The following DENND5B variants were observed in gnomAD, a reference collection of about 807,000 sequenced individuals.
DENND5B encodes the protein DENN domain containing 5B.
DENND5B carries 34 observed loss-of-function variants against 140.6 expected under a neutral mutation model. That is an observed-to-expected ratio of 0.24 (90% CI 0.18 to 0.32). The LOEUF is 0.32. Ranked by LOEUF, DENND5B falls within the 10% of genes least tolerant of loss-of-function variation. The pLI is 1.00. For synonymous variants in DENND5B, 551 were observed against 562.1 expected (o/e 0.98, Z 0.28); for missense variants, 1,142 against 1,560.2 (o/e 0.73, Z 4.52).
intron 3 of DENND5B, among the ~76,000 whole-genome samples, chr12:31,462,483 T>G (rs552996393): frequency 6.6e-6 from 1 of 152,098 alleles, no homozygotes; most frequent in African/African-American, 2.4e-5. Context: ...ATTATGGCAC[T>G]TGGCCCCCGT....
intron 1 of DENND5B, among the ~76,000 whole-genome samples, chr12:31,525,426 G>A (rs988275738): frequency 3.9e-5 from 6 of 152,184 alleles, no homozygotes; most frequent in African/African-American, 1.4e-4. Flanking sequence ...AAAGATGTCA[G>A]ACACATACTG....
chr12:31,494,241 C>T (rs1287754905), intron 2 of DENND5B, among the ~76,000 whole-genome samples: 1 of 146,726 alleles, frequency 6.8e-6, no homozygotes, highest in Non-Finnish European at 1.5e-5. Context: ...TACCTACCTA[C>T]CTACCTACCT....
intron 1 of DENND5B, among the ~76,000 whole-genome samples, chr12:31,543,663 T>C (rs1165027404): frequency 6.6e-6 from 1 of 152,130 alleles, no homozygotes; most frequent in Non-Finnish European, 1.5e-5. Flanking sequence ...CCACAGACAC[T>C]AGTATATGTA....
intron 1 of DENND5B, among the ~76,000 whole-genome samples, chr12:31,515,192 C>T (rs193113073): frequency 6.6e-6 from 1 of 152,056 alleles, no homozygotes; most frequent in African/African-American, 2.4e-5. Flanking sequence ...GCAGTCCGAG[C>T]TATTTGGGAT....
intron 19 of DENND5B, among the ~76,000 whole-genome samples, chr12:31,390,134 G>C (rs1941048452): frequency 6.6e-6 from 1 of 152,086 alleles, no homozygotes; most frequent in African/African-American, 2.4e-5. Flanking sequence ...CCCATTTAAA[G>C]AAACTAGGAA....
At chr12:31,393,400 T>G (rs1941254186) in intron 17 of DENND5B, among the ~76,000 whole-genome samples, 1 of 152,234 alleles carries the variant, frequency 6.6e-6, no homozygotes, top group Non-Finnish European at 1.5e-5. Context: ...GTCTCAGCAC[T>G]GCTTCCTTCT....
At chr12:31,425,934 A>G (rs1943210950) in intron 9 of DENND5B, among the ~76,000 whole-genome samples, 3 of 152,208 alleles carry the variant, frequency 2.0e-5, no homozygotes, top group Admixed American at 2.0e-4. Context: ...ACAGGCACAA[A>G]TAAGGTTGTA....
chr12:31,410,462 G>C (rs961408738), intron 13 of DENND5B, among the ~76,000 whole-genome samples: 1 of 152,166 alleles, frequency 6.6e-6, no homozygotes, highest in Admixed American at 6.5e-5. Context: ...CTGGAGTGCA[G>C]CGATGCAGTA....
At chr12:31,505,064 A>G (rs1300387468) in intron 1 of DENND5B, among the ~76,000 whole-genome samples, 1 of 152,156 alleles carries the variant, frequency 6.6e-6, no homozygotes, top group Non-Finnish European at 1.5e-5. Flanking sequence ...TTGTTATTAC[A>G]GCAGTTAGCT....
intron 8 of DENND5B, chr12:31,432,953 T>C (rs1463666887): frequency 3.9e-6 from 2 of 518,276 alleles, no homozygotes; most frequent in Non-Finnish European, 6.8e-6. Flanking sequence ...AGAGCCTTAT[T>C]ATAGATGTCT....
At chr12:31,489,702 A>T (rs1359972379) in intron 2 of DENND5B, among the ~76,000 whole-genome samples, 1 of 152,204 alleles carries the variant, frequency 6.6e-6, no homozygotes, top group Non-Finnish European at 1.5e-5. Context: ...TACACAGTTG[A>T]CTACTAGCTA....
intron 12 of DENND5B, 130 bp from the exon 13 acceptor site, chr12:31,413,694 G>C: frequency 9.9e-7 from 1 of 1,006,364 alleles, no homozygotes; most frequent in African/African-American, 1.6e-5. Context: ...ATATACAATT[G>C]ATGTTGATTA....
At chr12:31,478,644 T>A (rs1013466967) in intron 3 of DENND5B, among the ~76,000 whole-genome samples, 1 of 152,084 alleles carries the variant, frequency 6.6e-6, no homozygotes, top group Non-Finnish European at 1.5e-5. Flanking sequence ...AAGGTTGCAG[T>A]GACCCATGAT....
chr12:31,426,604 A>T (rs1255860720), intron 8 of DENND5B, 180 bp from the exon 9 acceptor site: 24 of 596,252 alleles, frequency 4.0e-5, no homozygotes, highest in Non-Finnish European at 5.8e-5. Flanking sequence ...ATGCCACCCC[A>T]TAACAACTGT....
At chr12:31,454,599 T>C (rs1037830426) in intron 4 of DENND5B, among the ~76,000 whole-genome samples, 11 of 150,298 alleles carry the variant, frequency 7.3e-5, no homozygotes, top group African/African-American at 2.7e-4. Context: ...TCCACCACCA[T>C]GCCTGGGTAA....
chr12:31,565,582 A>G (rs1333344959), intron 1 of DENND5B, among the ~76,000 whole-genome samples: 1 of 152,172 alleles, frequency 6.6e-6, no homozygotes, highest in African/African-American at 2.4e-5. Flanking sequence ...AGGTTAACAT[A>G]TAATAGGTTT....
intron 3 of DENND5B, among the ~76,000 whole-genome samples, chr12:31,476,483 G>GAAAA: frequency 7.1e-6 from 1 of 141,628 alleles, no homozygotes; most frequent in Admixed American, 7.1e-5. Flanking sequence ...TGAGAAAGGA[G>GAAAA]AAAAAAAAAA....
chr12:31,554,810 G>A (rs543379425), intron 1 of DENND5B, among the ~76,000 whole-genome samples: 58 of 151,596 alleles, frequency 3.8e-4, no homozygotes, highest in African/African-American at 1.1e-3. Flanking sequence ...CATTCATTTC[G>A]TCTTCCATCA....
intron 1 of DENND5B, chr12:31,534,814 GT>G: frequency 4.4e-6 from 2 of 455,702 alleles, no homozygotes; most frequent in Admixed American, 5.2e-5. Context: ...CTTTGAAGTT[GT>G]TTTTCAGCCC....
Sources: allele counts gnomAD v4.1 joint callset (sites outside exome capture counted in the v4.1 genomes callset), GRCh38; gene constraint gnomAD v4.1.1; transcripts MANE v1.5; gene names NCBI Gene and HGNC (gene_info 2026-07-23, HGNC 2026-07-21).